CACNA2D3: variants seen among roughly 807,000 people sequenced by gnomAD.
The protein encoded by CACNA2D3 is voltage-dependent calcium channel subunit alpha-2/delta-3.
In CACNA2D3, 60 loss-of-function variants were observed where a neutral mutation model predicts 160.6. That is an observed-to-expected ratio of 0.37 (90% confidence interval 0.30 to 0.46). The LOEUF (loss-of-function observed/expected upper bound fraction) is 0.46. Among genes scored for constraint, CACNA2D3 ranks in the 20% least tolerant of loss-of-function variants. The pLI is 1.00. For missense variants in CACNA2D3, 1,205 were observed against 1,365.0 expected, an observed-to-expected ratio of 0.88 and a Z score of 1.85; for synonymous variants, 558 against 492.9, an observed-to-expected ratio of 1.13 and a Z score of -1.75.
At chr3:54,954,591 A>T (rs1025498541) in intron 27 of CACNA2D3, among the ~76,000 whole-genome samples, 8 of 152,180 alleles carry the variant, frequency 5.3e-5, no homozygotes, top group African/African-American at 1.9e-4. Flanking sequence ...TTTCCTGAGC[A>T]GCTCGTTCAG....
At chr3:54,661,026 G>C (rs931211926) in intron 11 of CACNA2D3, among the ~76,000 whole-genome samples, 1 of 152,120 alleles carries the variant, frequency 6.6e-6, no homozygotes, top group Non-Finnish European at 1.5e-5. Flanking sequence ...GCCGCTTGCC[G>C]AGCCTTATTG....
intron 27 of CACNA2D3, among the ~76,000 whole-genome samples, chr3:54,934,229 C>T (rs1701274096): frequency 6.6e-6 from 1 of 152,144 alleles, no homozygotes; most frequent in South Asian, 2.1e-4. Context: ...TCATTTTATG[C>T]CCTAAGGTCA....
intron 11 of CACNA2D3, among the ~76,000 whole-genome samples, chr3:54,688,010 G>A (rs1046110438): frequency 1.3e-5 from 2 of 152,072 alleles, no homozygotes; most frequent in African/African-American, 2.4e-5. Context: ...TCTTTGCGTC[G>A]TTATTAACCA....
At chr3:54,445,909 G>T (rs1036610797) in intron 4 of CACNA2D3, among the ~76,000 whole-genome samples, 4 of 152,134 alleles carry the variant, frequency 2.6e-5, no homozygotes, top group African/African-American at 7.2e-5. Flanking sequence ...AAGAGGAACT[G>T]CTTTGTTCCT....
At chr3:55,057,058 G>T (rs1704377866) in intron 35 of CACNA2D3, among the ~76,000 whole-genome samples, 1 of 152,136 alleles carries the variant, frequency 6.6e-6, no homozygotes, top group African/African-American at 2.4e-5. Flanking sequence ...TAATTTCCAT[G>T]TGTCATGGGA....
At position 54,929,843 on chromosome 3, in the gene CACNA2D3, A is replaced by G. The variant is rs79236633; in HGVS notation, c.2449+29975A>G. The stretch of plus-strand genomic sequence containing the variant: ...AATGGAAATACATACATAACCATCA[A>G]TGGCCCCCATTAGCATTCAATCATT... On this transcript the variant is annotated intron_variant, in intron 27 of 37. Transcript: ENST00000474759. 1.2e-3 allele frequency among the ~76,000 whole-genome samples: 182 copies of G among 152,272 alleles called. 1 individual carries two copies. Among genetic ancestry groups the G allele is most frequent in the African/African-American group, 3.1e-3 (130 of 41,550 alleles).
At chr3:54,374,627 T>C (rs1218266847) in intron 3 of CACNA2D3, among the ~76,000 whole-genome samples, 1 of 152,158 alleles carries the variant, frequency 6.6e-6, no homozygotes, top group African/African-American at 2.4e-5. Flanking sequence ...CTCAGCTCCT[T>C]CTCTGGTTGT....
chr3:55,059,137 T>G (rs182997295), intron 35 of CACNA2D3, among the ~76,000 whole-genome samples: 1 of 152,366 alleles, frequency 6.6e-6, no homozygotes, highest in East Asian at 1.9e-4. Flanking sequence ...CTTTATACTT[T>G]TAAAGTGTAC....
chr3:54,138,675 T>C (rs1699864194), intron 2 of CACNA2D3, among the ~76,000 whole-genome samples: 1 of 152,062 alleles, frequency 6.6e-6, no homozygotes, highest in South Asian at 2.1e-4. Flanking sequence ...TGTATGAGGA[T>C]ATCGTTTAAG....
Position 54,162,456 on chromosome 3 carries a change from G to C in CACNA2D3, c.204+38862G>C, listed in dbSNP as rs76345472. Among the ~76,000 whole-genome samples, 2,158 of 152,196 alleles carry C rather than the reference G, an allele frequency of 0.014. 123 individuals carry two copies. In the East Asian group the frequency reaches 0.2, roughly 14 times the overall value. On this transcript the variant is annotated intron_variant, in intron 2 of 37. Coordinates refer to ENST00000474759, the MANE Select transcript of CACNA2D3 (RefSeq NM_018398.3). ...GGCCTCTCCATATAGTCTCTGTCTA[G>C]GATGGTTTGGGCTTCCTCATAATGT...
intron 2 of CACNA2D3, among the ~76,000 whole-genome samples, chr3:54,234,029 A>G (rs947457509): frequency 3.3e-5 from 5 of 152,234 alleles, no homozygotes; most frequent in African/African-American, 1.2e-4. Flanking sequence ...AATTAAACTT[A>G]AGAATGTCTG....
chr3:54,927,292 G>T (rs1014305405), intron 27 of CACNA2D3, among the ~76,000 whole-genome samples: 4 of 152,192 alleles, frequency 2.6e-5, no homozygotes, highest in African/African-American at 9.7e-5. Flanking sequence ...AGTCTTCTCA[G>T]TTTAATTTAG....
intron 13 of CACNA2D3, among the ~76,000 whole-genome samples, chr3:54,771,912 G>C (rs1271396474): frequency 6.6e-6 from 1 of 152,046 alleles, no homozygotes; most frequent in East Asian, 1.9e-4. Flanking sequence ...GATAATGCCA[G>C]AAGGAAATGC....
intron 24 of CACNA2D3, 55 bp downstream of exon 24, chr3:54,888,107 A>G (rs368402181): frequency 1.5e-6 from 2 of 1,299,090 alleles, no homozygotes; most frequent in African/African-American, 2.9e-5. Context: ...AACACTCCGA[A>G]ATATGGTTAT....
At chr3:54,370,206 T>A (rs13080119) in intron 3 of CACNA2D3, among the ~76,000 whole-genome samples, 13,182 of 152,248 alleles carry the variant, frequency 0.087, 628 homozygotes, top group East Asian at 0.16. Context: ...TTAGCAGTAT[T>A]CATATTTTAG....
At chr3:54,490,418 C>T (rs762535905) in intron 4 of CACNA2D3, among the ~76,000 whole-genome samples, 43 of 152,330 alleles carry the variant, frequency 2.8e-4, no homozygotes, top group Non-Finnish European at 5.4e-4. Context: ...TGAATCCAGG[C>T]AGAGGAAGGT....
intron 27 of CACNA2D3, among the ~76,000 whole-genome samples, chr3:54,904,954 TATC>T (rs1396847520): frequency 6.6e-6 from 1 of 152,208 alleles, no homozygotes; most frequent in South Asian, 2.1e-4. Context: ...GACCAGTAGT[TATC>T]TCTGCATCAG....
At chr3:54,443,271 C>T (rs1486017257) in intron 4 of CACNA2D3, among the ~76,000 whole-genome samples, 1 of 151,944 alleles carries the variant, frequency 6.6e-6, no homozygotes, top group Admixed American at 6.6e-5. Context: ...TTCTTCCATA[C>T]AGCCAGCCAT....
chr3:54,838,502 G>C (rs9815851), intron 15 of CACNA2D3, 66 bp from the exon 16 acceptor site: 2 of 1,292,670 alleles, frequency 1.5e-6, no homozygotes, highest in South Asian at 1.2e-5. Flanking sequence ...GTGACTTCTC[G>C]TGAGATTCTA....
Sources: allele counts gnomAD v4.1 joint callset (sites outside exome capture counted in the v4.1 genomes callset), GRCh38; gene constraint gnomAD v4.1.1; transcripts MANE v1.5; gene names NCBI Gene and HGNC (gene_info 2026-07-23, HGNC 2026-07-21).